Variants in FAT3 observed in about 807,000 individuals in gnomAD.
FAT3 encodes protocadherin Fat 3.
In FAT3, 95 loss-of-function variants were observed where a neutral mutation model predicts 310.2. The ratio of observed to expected loss-of-function variants is 0.31; its 90% CI spans 0.26 to 0.36. The LOEUF is 0.36. Among genes scored for constraint, FAT3 ranks in the 10% least tolerant of loss-of-function variants. The pLI, the probability that FAT3 is intolerant of heterozygous loss-of-function variation, is 1.00. For missense variants in FAT3, 5,408 were observed against 5,715.6 expected, an observed-to-expected ratio of 0.95 and a Z score of 1.74; for synonymous variants, 2,314 against 2,192.9, an observed-to-expected ratio of 1.06 and a Z score of -1.54.
intron 17 of FAT3, among the ~76,000 whole-genome samples, chr11:92,838,583 G>C (rs1948462364): frequency 6.6e-6 from 1 of 152,204 alleles, no homozygotes; most frequent in South Asian, 2.1e-4. Context: ...AGAGGACTTA[G>C]AGAAGACAGA....
chr11:92,537,265 G>C (rs1032102071), intron 3 of FAT3, among the ~76,000 whole-genome samples: 1 of 152,046 alleles, frequency 6.6e-6, no homozygotes, highest in Non-Finnish European at 1.5e-5. Context: ...TGAAGTGAAG[G>C]GAAAAAGGAG....
rs181426928 is a variant in FAT3, at chr11:92,643,693, A to T, written c.3608-53691A>T. Among the ~76,000 whole-genome samples the T allele has an allele frequency of 1.5e-3, 227 of 152,350 alleles. 1 individual carries two copies. Among genetic ancestry groups the T allele is most frequent in the African/African-American group, 5.3e-3 (219 of 41,588 alleles). The stretch of plus-strand genomic sequence containing the variant: ...AGTCCCTGGCATTATGAATTCCCCA[A>T]TTGTGATCACTGCCCATAAACACCC... On this transcript the variant is annotated intron_variant, in intron 3 of 27. Coordinates refer to ENST00000525166, the MANE Select transcript of FAT3 (RefSeq NM_001367949.2).
chr11:92,555,915 C>G (rs959052160), intron 3 of FAT3, among the ~76,000 whole-genome samples: 19 of 152,226 alleles, frequency 1.2e-4, no homozygotes, highest in Non-Finnish European at 2.5e-4. Flanking sequence ...AGCTCTGCCA[C>G]TAGTGGCTTG....
intron 2 of FAT3, among the ~76,000 whole-genome samples, chr11:92,450,938 G>C (rs941896029): frequency 6.6e-6 from 1 of 152,112 alleles, no homozygotes; most frequent in African/African-American, 2.4e-5. Flanking sequence ...TTTTAAAACA[G>C]AATCCTGATC....
At chr11:92,492,638 T>C (rs1010985493) in intron 2 of FAT3, among the ~76,000 whole-genome samples, 2 of 152,004 alleles carry the variant, frequency 1.3e-5, no homozygotes, top group Admixed American at 6.6e-5. Context: ...TTGGAGTTCA[T>C]ACTGGGAGCT....
intron 2 of FAT3, among the ~76,000 whole-genome samples, chr11:92,472,714 T>C (rs1275580963): frequency 1.3e-5 from 2 of 152,236 alleles, no homozygotes; most frequent in Non-Finnish European, 2.9e-5. Flanking sequence ...CACTTGTCAG[T>C]GTAAACACGA....
At chr11:92,280,709 T>C (rs890240438) in intron 1 of FAT3, among the ~76,000 whole-genome samples, 3 of 152,162 alleles carry the variant, frequency 2.0e-5, no homozygotes, top group Admixed American at 1.3e-4. Context: ...CATGCTTTAT[T>C]GTCTGCCCAT....
chr11:92,761,889 C>A lies in FAT3; in HGVS notation c.3703C>A (p.Gln1235Lys), dbSNP rs747691979. ...TVTDGGPSPK[Q>K]STIWVVVQVL... ...GACAGATGGTGGTCCCTCTCCAAAACAGTCAACCATTTGGGTGGTGGTTCA... is the reference window on the plus strand; with the variant it reads ...GACAGATGGTGGTCCCTCTCCAAAAAAGTCAACCATTTGGGTGGTGGTTCA... Residue 1235 changes from glutamine (Q) to lysine (K), a missense_variant, in exon 5 of 28, where the codon CAG (glutamine) becomes AAG (lysine). Transcript: ENST00000525166. 1 of 1,613,924 alleles carries A rather than the reference C, an allele frequency of 6.2e-7. No homozygotes were observed. Among genetic ancestry groups the A allele is most frequent in the Non-Finnish European group, 8.5e-7 (1 of 1,179,862 alleles).
chr11:92,424,780 G>A (rs1386334093), intron 2 of FAT3, among the ~76,000 whole-genome samples: 1 of 151,978 alleles, frequency 6.6e-6, no homozygotes, highest in African/African-American at 2.4e-5. Flanking sequence ...TTCTAATTTT[G>A]GAAGGATTAC....
intron 3 of FAT3, among the ~76,000 whole-genome samples, chr11:92,609,686 A>G (rs487663): frequency 0.56 from 85,357 of 151,980 alleles, 25,389 homozygotes; most frequent in African/African-American, 0.76. Flanking sequence ...AAATAAAATA[A>G]TTTTCATCTT....
At position 92,774,143 on chromosome 11, in the gene FAT3, T is replaced by G; in HGVS notation, c.4298T>G (p.Val1433Gly). Residue 1433 changes from valine to glycine, a missense_variant, in exon 7 of 28, where the codon GTG (valine) becomes GGG (glycine). By Grantham distance (109) the Val-to-Gly change is moderately radical. Around this residue, in one of 5 missense-constraint regions of FAT3, gnomAD observed 4,588 missense variants for 4,809.8 expected, o/e 0.95. Coordinates refer to ENST00000525166, the MANE Select transcript of FAT3 (RefSeq NM_001367949.2). ...CAGAGGTCCATCTATAATATGAGTGTGGAAGTCACCGATGGGACAAATGTT... is the reference window on the plus strand; with the variant it reads ...CAGAGGTCCATCTATAATATGAGTGGGGAAGTCACCGATGGGACAAATGTT... Reference protein sequence around the residue: ...AEQRSIYNMSVEVTDGTNVAV... With the variant: ...AEQRSIYNMSGEVTDGTNVAV... The G allele has an allele frequency of 6.2e-7, 1 of 1,612,978 alleles. No homozygotes were observed. The highest frequency in any genetic ancestry group is 1.7e-4 in the Middle Eastern group (1 of 6,056).
chr11:92,799,487 C>T lies in FAT3; in HGVS notation c.6474C>T (p.Ile2158=), dbSNP rs749400481. The change falls in exon 10 of 28, where the codon ATC becomes ATT. Residue 2158 remains isoleucine (I), a synonymous_variant. Coordinates refer to ENST00000525166, the MANE Select transcript of FAT3 (RefSeq NM_001367949.2). ...CCAACATTGAGTATGGAGTCACCATCCTAGCCAAGGATGGCGGAAAACCTT... is the reference window on the plus strand; with the variant it reads ...CCAACATTGAGTATGGAGTCACCATTCTAGCCAAGGATGGCGGAAAACCTT... The part of the protein sequence containing the change: ...DLSNIEYGVT[I]LAKDGGKPSL... The T allele has an allele frequency of 1.5e-5, 25 of 1,613,468 alleles. No individual in the cohort carries two copies. In the South Asian group the frequency reaches 2.7e-4, roughly 18 times the overall value.
rs2136448680 is a variant in FAT3 at position 92,890,935 on chromosome 11, C to G, written c.13592C>G (p.Ala4531Gly). ...CAGGGCACAGAGCCCACAGGCCCAG[C>G]AGACAGCGTGTCTCTGTCCTTGCAC... The part of the protein sequence containing the change: ...MNQGTEPTGP[A>G]DSVSLSLHNS... Residue 4531 changes from alanine to glycine, a missense_variant, in exon 28 of 28, where the codon GCA becomes GGA. This residue lies in a region of FAT3 where 649 missense variants were observed against 666.2 expected (regional missense o/e 0.97). Transcript: ENST00000525166. The G allele has an allele frequency of 6.2e-7, 1 of 1,614,044 alleles. No homozygotes were observed. The highest frequency in any genetic ancestry group is 1.3e-5 in the African/African-American group (1 of 75,070).
chr11:92,381,988 A>G (rs559511634), intron 2 of FAT3, among the ~76,000 whole-genome samples: 1 of 152,162 alleles, frequency 6.6e-6, no homozygotes, highest in Non-Finnish European at 1.5e-5. Flanking sequence ...TCATTGCTGC[A>G]TTAAAGTTAC....
At chr11:92,753,521 T>C (rs1385922398) in intron 4 of FAT3, among the ~76,000 whole-genome samples, 2 of 152,176 alleles carry the variant, frequency 1.3e-5, no homozygotes, top group East Asian at 1.9e-4. Context: ...GGATAGTAAG[T>C]ACAGGCAGTT....
intron 1 of FAT3, among the ~76,000 whole-genome samples, chr11:92,276,366 A>G (rs779479731): frequency 7.9e-5 from 12 of 152,150 alleles, no homozygotes; most frequent in Non-Finnish European, 1.6e-4. Flanking sequence ...CATGAGGTGG[A>G]AAGTTGAAAA....
At chr11:92,663,865 C>T (rs530061399) in intron 3 of FAT3, among the ~76,000 whole-genome samples, 1 of 152,132 alleles carries the variant, frequency 6.6e-6, no homozygotes, top group Admixed American at 6.6e-5. Context: ...TAGAGATGAG[C>T]TTATGTAACT....
chr11:92,279,454 AT>A (rs1946365325), intron 1 of FAT3, among the ~76,000 whole-genome samples: 1 of 152,144 alleles, frequency 6.6e-6, no homozygotes. Flanking sequence ...GTTATGTATC[AT>A]TCATTTACTT....
At chr11:92,452,315 A>G (rs1951375824) in intron 2 of FAT3, among the ~76,000 whole-genome samples, 1 of 152,196 alleles carries the variant, frequency 6.6e-6, no homozygotes. Flanking sequence ...CGGACTGTTT[A>G]TAAAGATTAA....
Sources: allele counts gnomAD v4.1 joint callset (sites outside exome capture counted in the v4.1 genomes callset), GRCh38; gene constraint gnomAD v4.1.1; regional missense constraint gnomAD v4.1.1; transcripts MANE v1.5; gene names NCBI Gene and HGNC (gene_info 2026-07-23, HGNC 2026-07-21).